RPS6KA2: variants seen among roughly 807,000 people sequenced by gnomAD.
RPS6KA2 encodes ribosomal protein S6 kinase alpha-2.
In RPS6KA2, 42 loss-of-function variants were observed where a neutral mutation model predicts 91.8. The ratio of observed to expected loss-of-function variants is 0.46; its 90% CI spans 0.36 to 0.59. The LOEUF is 0.59. Ranked by LOEUF, RPS6KA2 falls within the 20% of genes least tolerant of loss-of-function variation. The pLI, the probability that RPS6KA2 is intolerant of heterozygous loss-of-function variation, is 0.00. For synonymous variants in RPS6KA2, 414 were observed against 393.6 expected (o/e 1.05, Z -0.61); for missense variants, 798 against 978.5 (o/e 0.82, Z 2.46).
chr6:166,554,614 G>T lies in RPS6KA2; in HGVS notation c.100-15830C>A, dbSNP rs537962716. Among the ~76,000 whole-genome samples, 1 of 152,152 alleles carries T rather than the reference G, an allele frequency of 6.6e-6. No individual in the cohort carries two copies. Among genetic ancestry groups the T allele is most frequent in the Non-Finnish European group, 1.5e-5 (1 of 67,996 alleles). ...TCGCGGCTGGCACGCGGGTGGCCAT[G>T]GGGGGGTGGGGGTCCCACTCCAGCA... On this transcript the variant is annotated intron_variant, in intron 1 of 20. Transcript: ENST00000265678. The surrounding 1 kb of genome is among the most constrained non-coding windows in gnomAD (Gnocchi z 4.3).
rs376241627 is a variant in RPS6KA2, at chr6:166,726,211, C to T, written c.123+131989G>A. On this transcript the variant is annotated intron_variant, in intron 2 of 21. Coordinates refer to the RPS6KA2 transcript ENST00000503859. The surrounding 1 kb of genome is among the most constrained non-coding windows in gnomAD (Gnocchi z 4.4). ...CTATTTATAAGCAAAGTCCTAGCCA[C>T]GGCCATCTGATGTGGTAGAAGAATA... 5.6e-4 allele frequency among the ~76,000 whole-genome samples: 85 copies of T among 152,000 alleles called. 1 individual carries two copies. The Middle Eastern group carries it at 0.017, about 31-fold the overall frequency.
At chr6:166,521,717 T>C (rs530665697) in intron 3 of RPS6KA2, among the ~76,000 whole-genome samples, 3 of 152,290 alleles carry the variant, frequency 2.0e-5, no homozygotes, top group African/African-American at 4.8e-5. Flanking sequence ...TTGGATGAGA[T>C]GTTGGGCTTT....
At chr6:166,766,876 G>A (rs1753168881) in intron 2 of RPS6KA2, among the ~76,000 whole-genome samples, 1 of 152,216 alleles carries the variant, frequency 6.6e-6, no homozygotes, top group Admixed American at 6.5e-5. Context: ...CCCCTGTTCT[G>A]GAAGCTTCCC....
chr6:166,546,914 T>C (rs985691013), intron 1 of RPS6KA2, among the ~76,000 whole-genome samples: 4 of 152,192 alleles, frequency 2.6e-5, no homozygotes, highest in South Asian at 2.1e-4. Flanking sequence ...TTGGGAACGC[T>C]GAGCTGGTGG....
At chr6:166,456,914 T>C (rs1209561512) in intron 12 of RPS6KA2, among the ~76,000 whole-genome samples, 1 of 152,234 alleles carries the variant, frequency 6.6e-6, no homozygotes, top group Non-Finnish European at 1.5e-5. Context: ...AATTATGTTT[T>C]CCTTAGGCTA....
intron 2 of RPS6KA2, among the ~76,000 whole-genome samples, chr6:166,670,947 A>G (rs1788455127): frequency 6.6e-6 from 1 of 152,136 alleles, no homozygotes; most frequent in Admixed American, 6.5e-5. Context: ...CAGCCTCCTG[A>G]GCAGCTGGGA....
At chr6:166,815,556 C>T (rs1329997168) in intron 2 of RPS6KA2, among the ~76,000 whole-genome samples, 1 of 152,176 alleles carries the variant, frequency 6.6e-6, no homozygotes, top group African/African-American at 2.4e-5. Flanking sequence ...GACCTACAGA[C>T]ATCAGTTAAT....
chr6:166,511,457 C>T (rs539780834), intron 3 of RPS6KA2, among the ~76,000 whole-genome samples: 1 of 152,270 alleles, frequency 6.6e-6, no homozygotes, highest in East Asian at 1.9e-4. Context: ...CTTCTTAGTG[C>T]TCACACTATC....
At chr6:166,741,470 C>A (rs1399687838) in intron 2 of RPS6KA2, among the ~76,000 whole-genome samples, 1 of 152,188 alleles carries the variant, frequency 6.6e-6, no homozygotes, top group Non-Finnish European at 1.5e-5. Flanking sequence ...AATTTCCTGC[C>A]ACATCGAAAA....
At chr6:166,475,532 C>G (rs546626647) in intron 10 of RPS6KA2, among the ~76,000 whole-genome samples, 1 of 152,296 alleles carries the variant, frequency 6.6e-6, no homozygotes, top group African/African-American at 2.4e-5. Context: ...TCTTCTGAGA[C>G]CCAACCCAGG....
At chr6:166,766,079 A>G (rs555459187) in intron 2 of RPS6KA2, among the ~76,000 whole-genome samples, 1 of 152,346 alleles carries the variant, frequency 6.6e-6, no homozygotes, top group South Asian at 2.1e-4. Context: ...TGAGGTGTGT[A>G]ATTATCATGA....
intron 2 of RPS6KA2, among the ~76,000 whole-genome samples, chr6:166,756,808 T>C (rs1778024383): frequency 6.6e-6 from 1 of 152,058 alleles, no homozygotes; most frequent in South Asian, 2.1e-4. Flanking sequence ...ATGGCGCCAT[T>C]GCACTCCAGC....
intron 2 of RPS6KA2, among the ~76,000 whole-genome samples, chr6:166,708,696 C>A (rs1789761601): frequency 6.6e-6 from 1 of 152,172 alleles, no homozygotes; most frequent in Admixed American, 6.5e-5. Context: ...ACAGGCTTTA[C>A]CAGTAGGCCT....
intron 2 of RPS6KA2, among the ~76,000 whole-genome samples, chr6:166,756,973 G>A (rs764136853): frequency 1.7e-4 from 26 of 152,198 alleles, no homozygotes; most frequent in Non-Finnish European, 3.5e-4. Flanking sequence ...CGGAGATGGC[G>A]GTGGTGGTGG....
At chr6:166,645,179 A>G (rs1330511140) in intron 2 of RPS6KA2, among the ~76,000 whole-genome samples, 2 of 152,214 alleles carry the variant, frequency 1.3e-5, no homozygotes, top group East Asian at 3.8e-4. Flanking sequence ...GCTAGCTATT[A>G]AAGTTTCCTA....
At chr6:166,810,107 G>A (rs904582286) in intron 2 of RPS6KA2, among the ~76,000 whole-genome samples, 2 of 152,184 alleles carry the variant, frequency 1.3e-5, no homozygotes, top group African/African-American at 4.8e-5. Context: ...GCGAGTGCAC[G>A]CAGGGGAGAT....
rs972834344 is a variant in RPS6KA2, at chr6:166,835,008, G to C, written c.123+23192C>G. Among the ~76,000 whole-genome samples the C allele has an allele frequency of 5.3e-5, 8 of 152,062 alleles. No individual in the cohort carries two copies. In the East Asian group the frequency reaches 1.5e-3, roughly 29 times the overall value. ...CTTTTATAAACAATGCAAACACCAA[G>C]GCTTATCTTTTTGTTTATAAATATC... On this transcript the variant is annotated intron_variant, in intron 2 of 21. Coordinates refer to the RPS6KA2 transcript ENST00000503859.
chr6:166,729,754 T>C (rs1790455419), intron 2 of RPS6KA2, among the ~76,000 whole-genome samples: 1 of 152,224 alleles, frequency 6.6e-6, no homozygotes, highest in Non-Finnish European at 1.5e-5. Flanking sequence ...ACCAAGAAAC[T>C]TCCCATGCTG....
chr6:166,762,585 C>T (rs141380766), intron 2 of RPS6KA2, among the ~76,000 whole-genome samples: 257 of 152,252 alleles, frequency 1.7e-3, no homozygotes, highest in African/African-American at 5.9e-3. Flanking sequence ...GGCTGTAAGC[C>T]GGCACCAGGG....
Sources: allele counts gnomAD v4.1 joint callset (sites outside exome capture counted in the v4.1 genomes callset), GRCh38; gene constraint gnomAD v4.1.1; non-coding constraint Gnocchi (gnomAD v3.1); transcripts MANE v1.5; gene names NCBI Gene and HGNC (gene_info 2026-07-23, HGNC 2026-07-21).